Variants in DZIP1 observed in about 807,000 individuals in gnomAD.
DZIP1 encodes the protein DAZ interacting zinc finger protein 1, also known as cilium assembly protein DZIP1.
DZIP1 carries 97 observed loss-of-function variants against 107.6 expected under a neutral mutation model. That is an observed-to-expected ratio of 0.90 (90% CI 0.77 to 1.07). The LOEUF is 1.07. Among genes scored for constraint, DZIP1 ranks in the 50% least tolerant of loss-of-function variants. The probability of loss-of-function intolerance (pLI) is 0.00; values close to 1 mark genes in which losing one functional copy is unlikely to be tolerated. For synonymous variants in DZIP1, 390 were observed against 386.4 expected (o/e 1.01, Z -0.11); for missense variants, 1,035 against 1,063.6 (o/e 0.97, Z 0.37).
At chr13:95,642,771 A>G (rs1472067294) in intron 3 of DZIP1, among the ~76,000 whole-genome samples, 3 of 152,250 alleles carry the variant, frequency 2.0e-5, no homozygotes, top group Admixed American at 6.5e-5. Context: ...TGTTTTTTAA[A>G]TGAAATTTGC....
At chr13:95,615,238 G>A (rs561492514) in intron 10 of DZIP1, among the ~76,000 whole-genome samples, 2 of 152,270 alleles carry the variant, frequency 1.3e-5, no homozygotes, top group Admixed American at 6.5e-5. Context: ...TATAAAAACT[G>A]TAACTCGCTT....
intron 5 of DZIP1, among the ~76,000 whole-genome samples, chr13:95,637,434 G>A (rs182384527): frequency 9.8e-4 from 149 of 152,138 alleles, no homozygotes; most frequent in Non-Finnish European, 1.7e-3. Flanking sequence ...ATCATAAGGC[G>A]GGGGGCCTAA....
intron 10 of DZIP1, chr13:95,618,018 G>A (rs774566247): frequency 1.9e-6 from 1 of 518,952 alleles, no homozygotes; most frequent in Non-Finnish European, 3.8e-6. Flanking sequence ...TGTCGCACTT[G>A]AGAAGCCCAT....
rs557477148 is a variant in DZIP1, at chr13:95,632,645, T to G, written c.685+589A>C. On this transcript the variant is annotated intron_variant, in intron 6 of 22. Coordinates refer to ENST00000376829, the MANE Select transcript of DZIP1 (RefSeq NM_198968.4). The stretch of plus-strand genomic sequence containing the variant: ...CCTTCCCCTACCTAAAATCCTCCAG[T>G]GGCTCCACCTTACGCATATAAAAAC... Among the ~76,000 whole-genome samples the G allele has an allele frequency of 2.2e-4, 34 of 152,270 alleles. 1 individual carries two copies. In the South Asian group the frequency reaches 7.0e-3, roughly 32 times the overall value.
In DZIP1 at chr13:95,589,905, G is replaced by T; in HGVS notation, c.1871C>A (p.Thr624Asn). The T allele has an allele frequency of 1.9e-6, 3 of 1,614,120 alleles. No homozygotes were observed. The highest frequency in any genetic ancestry group is 2.5e-6 in the Non-Finnish European group (3 of 1,180,014). Reference sequence around the variant, plus strand: ...TTTGGGTACTTCTCCAGTTGAAAGGGTATCCATTTGAGAAACACTGCACTG... The same window carrying T: ...TTTGGGTACTTCTCCAGTTGAAAGGTTATCCATTTGAGAAACACTGCACTG... ...SDQCSVSQMD[T>N]LSTGEVPKMI... is the part of the protein sequence containing the mutation. The change falls in exon 18 of 23, where the codon ACC (threonine) becomes AAC (asparagine). Residue 624 changes from threonine to asparagine, a missense_variant. Thr to Asn is a moderately conservative substitution (Grantham distance 65, BLOSUM62 0). Coordinates refer to ENST00000376829, the MANE Select transcript of DZIP1 (RefSeq NM_198968.4).
chr13:95,599,516 A>C, intron 14 of DZIP1, 92 bp from the exon 15 acceptor site: 1 of 1,180,264 alleles, frequency 8.5e-7, no homozygotes, highest in Non-Finnish European at 1.3e-6. Context: ...ATATCATTCC[A>C]TGGTATTTTA....
chr13:95,644,184 C>T (rs1421991457), intron 1 of DZIP1, among the ~76,000 whole-genome samples, 193 bp downstream of exon 1: 1 of 152,352 alleles, frequency 6.6e-6, no homozygotes, highest in East Asian at 1.9e-4. Context: ...CCGAGAGACG[C>T]GGGTTCCAGG....
intron 5 of DZIP1, among the ~76,000 whole-genome samples, chr13:95,634,734 A>G (rs1161933722): frequency 1.3e-5 from 2 of 152,248 alleles, no homozygotes; most frequent in Non-Finnish European, 1.5e-5. Flanking sequence ...ACTTTAACAC[A>G]AATCATAATA....
intron 8 of DZIP1, 123 bp from the exon 9 acceptor site, chr13:95,622,603 G>T: frequency 9.9e-7 from 1 of 1,009,922 alleles, no homozygotes; most frequent in Non-Finnish European, 1.5e-6. Flanking sequence ...GCTCCTGGAC[G>T]CTCTTGGACG....
In DZIP1 at chr13:95,638,224, G is replaced by A. The variant is rs77613072; in HGVS notation, c.597+3071C>T. On this transcript the variant is annotated intron_variant, in intron 5 of 22. Coordinates refer to ENST00000376829, the MANE Select transcript of DZIP1 (RefSeq NM_198968.4). ...CCTGCTTCAGCCTCCCAAGTAGCTG[G>A]GATTACAGGTATGCGCCACCACACC... Among the ~76,000 whole-genome samples, 83 of 151,824 alleles carry A rather than the reference G, an allele frequency of 5.5e-4. 3 individuals are homozygous for A. In the East Asian group the frequency reaches 0.016, roughly 29 times the overall value.
intron 8 of DZIP1, among the ~76,000 whole-genome samples, chr13:95,624,372 C>T (rs933372861): frequency 6.6e-6 from 1 of 152,178 alleles, no homozygotes; most frequent in Admixed American, 6.5e-5. Flanking sequence ...CCCACCTGGG[C>T]CTGGGTTGAG....
chr13:95,623,469 CAA>C (rs909762276), intron 8 of DZIP1, among the ~76,000 whole-genome samples: 62 of 152,314 alleles, frequency 4.1e-4, no homozygotes, highest in African/African-American at 1.3e-3. Context: ...ATTCGTAACA[CAA>C]AGTCTCAGAC....
At chr13:95,605,509 A>C (rs887906682) in intron 14 of DZIP1, among the ~76,000 whole-genome samples, 5 of 152,260 alleles carry the variant, frequency 3.3e-5, no homozygotes, top group African/African-American at 4.8e-5. Flanking sequence ...GATTTCACCC[A>C]GTGGTTCCTA....
Position 95,582,148 on chromosome 13 carries a change from A to G in DZIP1, c.*86T>C. 1 of 1,287,404 alleles carries G rather than the reference A, an allele frequency of 7.8e-7. No homozygotes were observed. The highest frequency in any genetic ancestry group is 1.7e-5 in the Admixed American group (1 of 59,196). 79.7% of individuals were successfully genotyped at this position (1,287,404 alleles called of 1,614,324 possible). A position where few individuals can be genotyped will look rare whatever the true frequency, so the allele number is the denominator to read the frequency against. ...GCTGTGGGAAACACGGTAAGGCAGAAGCACTAGAATCATGGAGGCAAATTA... is the reference window on the plus strand; with the variant it reads ...GCTGTGGGAAACACGGTAAGGCAGAGGCACTAGAATCATGGAGGCAAATTA... On this transcript the variant is annotated 3_prime_UTR_variant, in exon 23 of 23. Coordinates refer to ENST00000376829, the MANE Select transcript of DZIP1 (RefSeq NM_198968.4).
At chr13:95,612,423 A>C (rs1188971980) in intron 10 of DZIP1, among the ~76,000 whole-genome samples, 8 of 152,220 alleles carry the variant, frequency 5.3e-5, no homozygotes, top group African/African-American at 1.9e-4. Context: ...AGCTTAGCCA[A>C]CTACAGCACA....
At chr13:95,626,311 A>G (rs1346629921) in intron 7 of DZIP1, among the ~76,000 whole-genome samples, 1 of 152,186 alleles carries the variant, frequency 6.6e-6, no homozygotes, top group Non-Finnish European at 1.5e-5. Flanking sequence ...GGTTCTTTAC[A>G]AAGATCAACA....
rs766742145 is a variant in DZIP1 at position 95,630,024 on chromosome 13, C to T, written c.775G>A (p.Ala259Thr). ...CTGACTGCACTGGCATGGTGTGCAG[C>T]CTCTAGCTCAGACCTGGTGAGCTGC... ...ELQLTRSELE[A>T]AHHASAVRFS... is the part of the protein sequence containing the mutation. The change falls in exon 7 of 23, where the codon GCT becomes ACT. Residue 259 changes from alanine to threonine, a missense_variant. Physicochemically the swap from Ala to Thr is moderately conservative, Grantham distance 58 (BLOSUM62 0). Transcript: ENST00000376829. 2.5e-6 allele frequency: 4 copies of T among 1,613,518 alleles called. No individual in the cohort carries two copies. In the African/African-American group the frequency reaches 5.3e-5, roughly 22 times the overall value.
Position 95,641,226 on chromosome 13 carries a change from G to A in DZIP1, c.597+69C>T. On this transcript the variant is annotated intron_variant, in intron 5 of 22. Transcript: ENST00000376829. The surrounding 1 kb of genome is among the most constrained non-coding windows in gnomAD (Gnocchi z 4.3). ...TTAAGAAGAAAGAGTGGTGATACGGGACAGGCCTATCAAATGGGAACTGAG... is the reference window on the plus strand; with the variant it reads ...TTAAGAAGAAAGAGTGGTGATACGGAACAGGCCTATCAAATGGGAACTGAG... 2 of 1,511,924 alleles carry A rather than the reference G, an allele frequency of 1.3e-6. No individual in the cohort carries two copies. The highest frequency in any genetic ancestry group is 1.3e-5 in the South Asian group (1 of 75,424). 93.7% of individuals were successfully genotyped at this position (1,511,924 alleles called of 1,614,324 possible).
chr13:95,619,098 C>T (rs1040269696), intron 10 of DZIP1, among the ~76,000 whole-genome samples: 1 of 152,116 alleles, frequency 6.6e-6, no homozygotes, highest in Non-Finnish European at 1.5e-5. Context: ...AAATCAGAAA[C>T]ATGTATTTGA....
Sources: allele counts gnomAD v4.1 joint callset (sites outside exome capture counted in the v4.1 genomes callset), GRCh38; gene constraint gnomAD v4.1.1; non-coding constraint Gnocchi (gnomAD v3.1); transcripts MANE v1.5; gene names NCBI Gene and HGNC (gene_info 2026-07-23, HGNC 2026-07-21).